The following KIAA0232 variants were observed in gnomAD, a reference collection of about 807,000 sequenced individuals.
KIAA0232 encodes the protein KIAA0232.
In KIAA0232, 27 loss-of-function variants were observed where a neutral mutation model predicts 122.0. The observed-to-expected ratio is 0.22, with a 90% CI of 0.16 to 0.31. The LOEUF is 0.31. Among genes scored for constraint, KIAA0232 ranks in the 10% least tolerant of loss-of-function variants. KIAA0232 has a pLI of 1.00. For synonymous variants in KIAA0232, 613 were observed against 587.6 expected, an observed-to-expected ratio of 1.04 and a Z score of -0.63; for missense variants, 1,551 against 1,634.2, an observed-to-expected ratio of 0.95 and a Z score of 0.88.
chr4:6,793,858 A>G (rs1717014118), intron 1 of KIAA0232, among the ~76,000 whole-genome samples: 2 of 152,166 alleles, frequency 1.3e-5, no homozygotes, highest in African/African-American at 4.8e-5. Context: ...GCTACAACTC[A>G]GAGAGATTCC....
In KIAA0232 at chr4:6,824,405, C is replaced by A; in HGVS notation, c.-49C>A. Reference sequence around the variant, plus strand: ...TCCCCTCCAGATACCAACAGAATATCAACTGCAGAAAATGCTTCACATTTT... The same window carrying A: ...TCCCCTCCAGATACCAACAGAATATAAACTGCAGAAAATGCTTCACATTTT... On this transcript the variant is annotated 5_prime_UTR_variant, in exon 3 of 10. Coordinates refer to ENST00000307659, the MANE Select transcript of KIAA0232 (RefSeq NM_014743.3). The A allele has an allele frequency of 1.4e-6, 2 of 1,430,206 alleles. No homozygotes were observed. Among genetic ancestry groups the A allele is most frequent in the Non-Finnish European group, 2.0e-6 (2 of 1,012,460 alleles). 88.6% of individuals were successfully genotyped at this position (1,430,206 alleles called of 1,614,324 possible). A position where few individuals can be genotyped will look rare whatever the true frequency, so the allele number is the denominator to read the frequency against.
intron 1 of KIAA0232, among the ~76,000 whole-genome samples, chr4:6,799,383 C>T (rs1433100253): frequency 6.6e-6 from 1 of 151,356 alleles, no homozygotes; most frequent in Non-Finnish European, 1.5e-5. Flanking sequence ...AGGACTTGAA[C>T]ATACCTTTTT....
intron 2 of KIAA0232, among the ~76,000 whole-genome samples, chr4:6,821,485 A>T (rs573822266): frequency 6.6e-6 from 1 of 152,158 alleles, no homozygotes; most frequent in Non-Finnish European, 1.5e-5. Context: ...TTGGTTTTCT[A>T]TTCCTATATT....
intron 2 of KIAA0232, among the ~76,000 whole-genome samples, chr4:6,816,580 C>T (rs1427164147): frequency 6.6e-6 from 1 of 152,150 alleles, no homozygotes; most frequent in Non-Finnish European, 1.5e-5. Context: ...CCTCGCTCAG[C>T]CTGTTTCTTG....
At chr4:6,807,621 A>G (rs781293822) in intron 2 of KIAA0232, among the ~76,000 whole-genome samples, 1 of 152,238 alleles carries the variant, frequency 6.6e-6, no homozygotes, top group African/African-American at 2.4e-5. Flanking sequence ...TACATAGTTT[A>G]TAGCCCTTGG....
At chr4:6,783,840 G>T (rs577264445) in intron 1 of KIAA0232, among the ~76,000 whole-genome samples, 1 of 152,210 alleles carries the variant, frequency 6.6e-6, no homozygotes, top group Non-Finnish European at 1.5e-5. Flanking sequence ...TGCGGGGCCT[G>T]ATCCGGCTCC....
intron 4 of KIAA0232, among the ~76,000 whole-genome samples, chr4:6,850,594 CTG>C (rs1385168650): frequency 2.0e-5 from 3 of 151,924 alleles, no homozygotes; most frequent in African/African-American, 7.3e-5. Context: ...CTATGTAACA[CTG>C]TTTATTCTCC....
At chr4:6,820,336 G>T (rs1718363451) in intron 2 of KIAA0232, among the ~76,000 whole-genome samples, 1 of 152,196 alleles carries the variant, frequency 6.6e-6, no homozygotes, top group Non-Finnish European at 1.5e-5. Flanking sequence ...GGCATGTTTA[G>T]GCTACATCTA....
At chr4:6,859,160 C>CA (rs1720725967) in intron 6 of KIAA0232, among the ~76,000 whole-genome samples, 1 of 147,380 alleles carries the variant, frequency 6.8e-6, no homozygotes, top group South Asian at 2.2e-4. Context: ...TGTTCACAAG[C>CA]AAGAACACTG....
At chr4:6,798,134 GA>G (rs898956663) in intron 1 of KIAA0232, among the ~76,000 whole-genome samples, 7 of 152,076 alleles carry the variant, frequency 4.6e-5, no homozygotes, top group African/African-American at 1.7e-4. Flanking sequence ...TAGTATGATA[GA>G]AAGGGCACCA....
intron 3 of KIAA0232, 132 bp from the exon 4 acceptor site, chr4:6,841,935 A>G: frequency 9.6e-7 from 1 of 1,039,222 alleles, no homozygotes; most frequent in African/African-American, 1.7e-5. Flanking sequence ...TCGTCGCAGA[A>G]ATAGACAAGC....
intron 7 of KIAA0232, among the ~76,000 whole-genome samples, chr4:6,867,978 G>A (rs577068578): frequency 6.6e-6 from 1 of 152,264 alleles, no homozygotes; most frequent in African/African-American, 2.4e-5. Flanking sequence ...CTTCATTGAT[G>A]TTTCATTTCT....
At chr4:6,792,375 C>T (rs1485598518) in intron 1 of KIAA0232, among the ~76,000 whole-genome samples, 2 of 152,110 alleles carry the variant, frequency 1.3e-5, no homozygotes, top group African/African-American at 4.8e-5. Context: ...CCACCTTACT[C>T]TCAGCAGCCT....
chr4:6,796,714 T>G (rs1158039160), intron 1 of KIAA0232, among the ~76,000 whole-genome samples: 1 of 152,232 alleles, frequency 6.6e-6, no homozygotes, highest in African/African-American at 2.4e-5. Context: ...TCACACGGTT[T>G]TCTTTCAGCT....
chr4:6,864,233 AC>A, intron 7 of KIAA0232, 50 bp downstream of exon 7: 1 of 1,525,544 alleles, frequency 6.6e-7, no homozygotes. Context: ...TCAGAGTTTA[AC>A]CCAAGAACAG....
Position 6,858,517 on chromosome 4 carries a change from T to G in KIAA0232, c.518+11T>G. 6.4e-7 allele frequency: 1 copy of G among 1,559,170 alleles called. No individual in the cohort carries two copies. The highest frequency in any genetic ancestry group is 8.8e-7 in the Non-Finnish European group (1 of 1,137,502). On this transcript the variant is annotated intron_variant, in intron 6 of 9. Coordinates refer to ENST00000307659, the MANE Select transcript of KIAA0232 (RefSeq NM_014743.3). ...GGATCAAGTGGAAATGTATGTAAGATTGTATTCGGTAATAAAGTGTGCATT... is the reference window on the plus strand; with the variant it reads ...GGATCAAGTGGAAATGTATGTAAGAGTGTATTCGGTAATAAAGTGTGCATT...
intron 3 of KIAA0232, among the ~76,000 whole-genome samples, chr4:6,838,244 A>G (rs966858865): frequency 1.3e-5 from 2 of 150,068 alleles, no homozygotes; most frequent in Non-Finnish European, 2.9e-5. Flanking sequence ...ACTGGAGCAC[A>G]GTGGCGTGAT....
In KIAA0232 at chr4:6,822,586, A is replaced by G. The variant is rs560275762; in HGVS notation, c.-269-1599A>G. Among the ~76,000 whole-genome samples, 4 of 152,224 alleles carry G rather than the reference A, an allele frequency of 2.6e-5. No individual in the cohort carries two copies. The South Asian group carries it at 6.2e-4, about 24-fold the overall frequency. Reference sequence around the variant, plus strand: ...TTCATTACATTAGTTTTCATTTTCTAGTGGTTTGTAAATTAACCAGAACTC... The same window carrying G: ...TTCATTACATTAGTTTTCATTTTCTGGTGGTTTGTAAATTAACCAGAACTC... On this transcript the variant is annotated intron_variant, in intron 2 of 9. Transcript: ENST00000307659.
intron 9 of KIAA0232, among the ~76,000 whole-genome samples, chr4:6,879,188 C>T (rs1050179940): frequency 6.6e-6 from 1 of 152,194 alleles, no homozygotes; most frequent in African/African-American, 2.4e-5. Context: ...CCAGCCTTCT[C>T]TCCACACAGC....
Sources: gnomAD v4.1 joint callset for allele counts (sites outside exome capture counted in the v4.1 genomes callset) on GRCh38, gnomAD v4.1.1 for gene constraint, MANE v1.5 for transcripts, NCBI Gene and HGNC (gene_info 2026-07-23, HGNC 2026-07-21) for gene names.